ANO1: variants seen among roughly 807,000 people sequenced by gnomAD.
The protein encoded by ANO1 is anoctamin-1.
ANO1 carries 59 observed loss-of-function variants against 124.0 expected under a neutral mutation model. That is an observed-to-expected ratio of 0.48 (90% CI 0.39 to 0.59). ANO1 has a LOEUF of 0.59. Ranked by LOEUF, ANO1 falls within the 20% of genes least tolerant of loss-of-function variation. The pLI is 0.00. For missense variants in ANO1, 1,059 were observed against 1,328.0 expected (o/e 0.80, Z 3.15); for synonymous variants, 529 against 532.0 (o/e 0.99, Z 0.08).
chr11:70,043,233 C>A (rs1857209107), intron 1 of ANO1, among the ~76,000 whole-genome samples: 1 of 151,962 alleles, frequency 6.6e-6, no homozygotes, highest in South Asian at 2.1e-4. Context: ...TAGGGTACGG[C>A]AGAAGAAAGG....
At chr11:70,005,076 G>T (rs1212653439) in intron 1 of ANO1, among the ~76,000 whole-genome samples, 1 of 144,304 alleles carries the variant, frequency 6.9e-6, no homozygotes, top group East Asian at 2.1e-4. Context: ...TCGTGCCACT[G>T]CACTCCAGCC....
intron 1 of ANO1, chr11:70,085,710 C>CCT: frequency 5.6e-6 from 8 of 1,436,846 alleles, no homozygotes; most frequent in Non-Finnish European, 7.3e-6. Context: ...CCCAGAGCCT[C>CCT]CTCTCTCCTT....
chr11:70,046,728 T>G (rs1174140662), intron 1 of ANO1, among the ~76,000 whole-genome samples: 1 of 151,936 alleles, frequency 6.6e-6, no homozygotes, highest in Admixed American at 6.6e-5. Context: ...CCAAAAATGA[T>G]GCAATTTGGG....
chr11:70,102,545 C>T lies in ANO1; in HGVS notation c.442-521C>T, dbSNP rs75812764. The stretch of plus-strand genomic sequence containing the variant: ...AAGTCAGTGCAGATACAAGGGAACC[C>T]GGGCAGTGGACCTGGAGCAGGCAGA... On this transcript the variant is annotated intron_variant, in intron 2 of 25. Coordinates refer to ENST00000355303, the MANE Select transcript of ANO1 (RefSeq NM_018043.7). Among the ~76,000 whole-genome samples the T allele has an allele frequency of 8.5e-3, 1,288 of 152,256 alleles. 22 individuals carry two copies. The highest frequency in any genetic ancestry group is 0.025 in the African/African-American group (1,036 of 41,540).
intron 1 of ANO1, among the ~76,000 whole-genome samples, chr11:70,024,910 C>T (rs1856865408): frequency 6.6e-6 from 1 of 152,214 alleles, no homozygotes; most frequent in African/African-American, 2.4e-5. Context: ...CAGGCACACT[C>T]CAAGGGCAGC....
intron 1 of ANO1, among the ~76,000 whole-genome samples, chr11:70,062,067 C>CTTTTTTTTTTTT (rs1175846749): frequency 1.6e-5 from 1 of 62,288 alleles, no homozygotes; most frequent in Non-Finnish European, 3.0e-5. Flanking sequence ...TTCCTTCTTT[C>CTTTTTTTTTTTT]TTTTTTTTTT....
In ANO1 at chr11:70,116,615, G is replaced by A. The variant is rs896419230; in HGVS notation, c.897+116G>A. 1.7e-4 allele frequency: 166 copies of A among 976,856 alleles called. 2 individuals carry two copies. In the Admixed American group the frequency reaches 3.2e-3, roughly 19 times the overall value. The allele number at this position is 976,856 out of a possible 1,614,324, so 60.5% of individuals were successfully genotyped here. On this transcript the variant is annotated intron_variant, in intron 8 of 25. Coordinates refer to ENST00000355303, the MANE Select transcript of ANO1 (RefSeq NM_018043.7). ...CCGGCCTCCAGGGCCTCCCCAGGGC[G>A]CTCGCTGCAGGGGGCTGAGAAGCGG...
chr11:70,161,633 A>G lies in ANO1; in HGVS notation c.1792A>G (p.Thr598Ala). 6.2e-7 allele frequency: 1 copy of G among 1,613,920 alleles called. No individual in the cohort carries two copies. The highest frequency in any genetic ancestry group is 8.5e-7 in the Non-Finnish European group (1 of 1,179,854). Residue 598 changes from threonine to alanine, a missense_variant, in exon 18 of 26, where the codon ACG becomes GCG. Physicochemically the swap from Thr to Ala is moderately conservative, Grantham distance 58 (BLOSUM62 0). This residue lies in a region of ANO1 where 809 missense variants were observed against 1,094.9 expected (regional missense o/e 0.74). Transcript: ENST00000355303. ...RWLTKIEVPK[T>A]EKSFEERLIF... ...ACCCCTCCCTCTAGAGGTCCCAAAGACGGAGAAAAGCTTTGAGGAGAGGCT... is the reference window on the plus strand; with the variant it reads ...ACCCCTCCCTCTAGAGGTCCCAAAGGCGGAGAAAAGCTTTGAGGAGAGGCT...
At chr11:69,972,186 CAAAAAAAAAAA>C in the ANO1 span, among the ~76,000 whole-genome samples, 1 of 86,564 alleles carries the variant, frequency 1.2e-5, no homozygotes, top group Non-Finnish European at 2.3e-5. Context: ...GACTCCGTCT[CAAAAAAAAAAA>C]AAAAAAAAAA....
chr11:69,994,111 C>CG (rs1856213717), intron 1 of ANO1, among the ~76,000 whole-genome samples: 1 of 148,144 alleles, frequency 6.8e-6, no homozygotes, highest in Non-Finnish European at 1.5e-5. Context: ...TAACCCCCCC[C>CG]CACAGTCACA....
the ANO1 span, among the ~76,000 whole-genome samples, chr11:69,966,765 G>T: frequency 6.6e-6 from 1 of 152,180 alleles, no homozygotes; most frequent in African/African-American, 2.4e-5. Flanking sequence ...GAGAGCATGG[G>T]GAGGACCCAG....
At chr11:70,023,565 G>A (rs1412640857) in intron 1 of ANO1, among the ~76,000 whole-genome samples, 1 of 152,174 alleles carries the variant, frequency 6.6e-6, no homozygotes, top group African/African-American at 2.4e-5. Context: ...TACTGAGATG[G>A]TCTAGTCGCT....
chr11:70,010,179 G>GTGTATGTATATATA, intron 1 of ANO1, among the ~76,000 whole-genome samples: 1 of 83,776 alleles, frequency 1.2e-5, no homozygotes, highest in African/African-American at 4.7e-5. Flanking sequence ...GTGTGTGTGT[G>GTGTATGTATATATA]TATATATATA....
At chr11:70,072,210 A>C (rs1376354167) in intron 1 of ANO1, among the ~76,000 whole-genome samples, 2 of 152,118 alleles carry the variant, frequency 1.3e-5, no homozygotes, top group African/African-American at 4.8e-5. Context: ...CTCCTGGCTC[A>C]TGTTCCCATT....
chr11:70,165,935 G>A (rs1050367010), intron 20 of ANO1, among the ~76,000 whole-genome samples: 1 of 151,170 alleles, frequency 6.6e-6, no homozygotes, highest in Non-Finnish European at 1.5e-5. Flanking sequence ...CGGGAGGATC[G>A]CTGGAGCCCA....
chr11:70,155,668 G>A (rs1275357659), intron 14 of ANO1, among the ~76,000 whole-genome samples: 1 of 152,210 alleles, frequency 6.6e-6, no homozygotes, highest in African/African-American at 2.4e-5. Context: ...TGGAGGGTGC[G>A]TGCTGGAGTC....
At chr11:70,180,753 A>G (rs1178149235) in intron 23 of ANO1, among the ~76,000 whole-genome samples, 1 of 152,152 alleles carries the variant, frequency 6.6e-6, no homozygotes, top group Non-Finnish European at 1.5e-5. Context: ...CCTTATTGGC[A>G]ATCTTTCTGT....
chr11:70,082,513 T>G (rs575484367), intron 1 of ANO1, among the ~76,000 whole-genome samples: 22 of 152,292 alleles, frequency 1.4e-4, no homozygotes, highest in African/African-American at 4.3e-4. Context: ...TGAGCCAAGA[T>G]CGCACCACTG....
chr11:70,131,994 G>A lies in ANO1; in HGVS notation c.1173G>A (p.Met391Ile). ...LCDKTCSYWKMSSACATARAS... is the reference protein window; with the variant it reads ...LCDKTCSYWKISSACATARAS... ...ACAAGACCTGCAGCTACTGGAAGAT[G>A]AGCTCAGCCTGCGCCACGGCCCGCG... is the stretch of plus-strand genomic sequence containing the variant. Residue 391 changes from methionine (M) to isoleucine (I), a missense_variant, in exon 11 of 26, where the codon ATG (methionine) becomes ATA (isoleucine). Met to Ile is a conservative substitution (Grantham distance 10, BLOSUM62 1). Coordinates refer to ENST00000355303, the MANE Select transcript of ANO1 (RefSeq NM_018043.7). 1 of 1,610,356 alleles carries A rather than the reference G, an allele frequency of 6.2e-7. No homozygotes were observed. Among genetic ancestry groups the A allele is most frequent in the African/African-American group, 1.3e-5 (1 of 75,046 alleles).
Sources: allele counts gnomAD v4.1 joint callset (sites outside exome capture counted in the v4.1 genomes callset), GRCh38; gene constraint gnomAD v4.1.1; regional missense constraint gnomAD v4.1.1; transcripts MANE v1.5; gene names NCBI Gene and HGNC (gene_info 2026-07-23, HGNC 2026-07-21).